Variants in HDAC9 observed in about 807,000 individuals in gnomAD.
HDAC9 encodes histone deacetylase 9.
In HDAC9, 41 loss-of-function variants were observed where a neutral mutation model predicts 139.4. The observed-to-expected ratio is 0.29, with a 90% CI of 0.23 to 0.38. The LOEUF (loss-of-function observed/expected upper bound fraction) is 0.38, where lower values mean the gene tolerates loss of function less well. Ranked by LOEUF, HDAC9 falls within the 10% of genes least tolerant of loss-of-function variation. The pLI, the probability that HDAC9 is intolerant of heterozygous loss-of-function variation, is 1.00. For missense variants in HDAC9, 1,147 were observed against 1,297.0 expected (o/e 0.88, Z 1.78); for synonymous variants, 517 against 476.2 (o/e 1.09, Z -1.12).
chr7:18,463,741 C>G (rs889922686), intron 1 of HDAC9, among the ~76,000 whole-genome samples: 6 of 151,838 alleles, frequency 4.0e-5, no homozygotes, highest in African/African-American at 1.4e-4. Flanking sequence ...AGTTTTTCCT[C>G]TCAGCATATT....
At chr7:18,697,208 T>G (rs1389268333) in intron 12 of HDAC9, among the ~76,000 whole-genome samples, 4 of 152,222 alleles carry the variant, frequency 2.6e-5, no homozygotes, top group African/African-American at 7.2e-5. Flanking sequence ...TAGGATCACA[T>G]CCTGGCAGAT....
chr7:18,222,548 A>G (rs1270191215), intron 2 of HDAC9, among the ~76,000 whole-genome samples: 1 of 152,160 alleles, frequency 6.6e-6, no homozygotes, highest in Admixed American at 6.5e-5. Context: ...ACTGGACAGT[A>G]TACATTAAAA....
At chr7:18,919,712 A>C (rs574425657) in intron 22 of HDAC9, among the ~76,000 whole-genome samples, 1 of 152,166 alleles carries the variant, frequency 6.6e-6, no homozygotes, top group Non-Finnish European at 1.5e-5. Context: ...TAGACCTGGA[A>C]TAACAATGTA....
intron 14 of HDAC9, among the ~76,000 whole-genome samples, chr7:18,759,713 G>A (rs1789208242): frequency 6.6e-6 from 1 of 152,176 alleles, no homozygotes; most frequent in Non-Finnish European, 1.5e-5. Context: ...GGAAACCGCT[G>A]TTCTTATGAC....
chr7:18,934,733 G>A (rs1180746433), intron 22 of HDAC9, among the ~76,000 whole-genome samples: 1 of 152,146 alleles, frequency 6.6e-6, no homozygotes, highest in Non-Finnish European at 1.5e-5. Context: ...GTTTCTGAGG[G>A]TGGGGCTTGG....
chr7:18,648,893 G>A (rs1381791724), intron 11 of HDAC9, among the ~76,000 whole-genome samples: 1 of 152,172 alleles, frequency 6.6e-6, no homozygotes, highest in East Asian at 1.9e-4. Flanking sequence ...TAGCAAAATT[G>A]AGATGATACA....
chr7:18,780,929 G>C (rs531037881), intron 16 of HDAC9, among the ~76,000 whole-genome samples: 35 of 152,008 alleles, frequency 2.3e-4, no homozygotes, highest in Admixed American at 3.9e-4. Context: ...AGCTAGGGCT[G>C]TCATAACACA....
intron 12 of HDAC9, among the ~76,000 whole-genome samples, chr7:18,707,443 C>T (rs750533853): frequency 1.3e-5 from 2 of 152,108 alleles, no homozygotes; most frequent in Non-Finnish European, 2.9e-5. Flanking sequence ...AAATTGAAAA[C>T]AGTCCAACAG....
chr7:18,674,218 T>C (rs1260568396), intron 12 of HDAC9, among the ~76,000 whole-genome samples: 1 of 152,080 alleles, frequency 6.6e-6, no homozygotes, highest in Non-Finnish European at 1.5e-5. Flanking sequence ...AACAAATCCA[T>C]GGTGCTCTCA....
chr7:18,335,283 T>C (rs1468788385), intron 1 of HDAC9, among the ~76,000 whole-genome samples: 1 of 151,484 alleles, frequency 6.6e-6, no homozygotes, highest in East Asian at 1.9e-4. Flanking sequence ...ATTAAAACAA[T>C]TTAGCAATAG....
chr7:18,978,165 T>A (rs1320045647), intron 25 of HDAC9, among the ~76,000 whole-genome samples: 2 of 152,130 alleles, frequency 1.3e-5, no homozygotes, highest in Non-Finnish European at 2.9e-5. Context: ...GAGAGCTAAA[T>A]GGATGGAAAA....
chr7:18,137,556 A>T (rs1239131409), intron 1 of HDAC9, among the ~76,000 whole-genome samples: 2 of 151,696 alleles, frequency 1.3e-5, no homozygotes, highest in Non-Finnish European at 2.9e-5. Context: ...GCATCTATTG[A>T]GATAATCATG....
chr7:18,795,711 G>A (rs1022400516), intron 17 of HDAC9, among the ~76,000 whole-genome samples: 2 of 152,132 alleles, frequency 1.3e-5, no homozygotes, highest in Non-Finnish European at 2.9e-5. Flanking sequence ...GATGCCATGG[G>A]GGAAAAGTAG....
chr7:18,566,933 C>T (rs891399696), intron 2 of HDAC9, among the ~76,000 whole-genome samples: 11 of 152,134 alleles, frequency 7.2e-5, no homozygotes, highest in Admixed American at 6.5e-5. Context: ...AAGGATGTAC[C>T]ATACCGTATG....
chr7:18,521,401 T>C (rs2128215742), intron 2 of HDAC9, among the ~76,000 whole-genome samples: 1 of 152,314 alleles, frequency 6.6e-6, no homozygotes, highest in Non-Finnish European at 1.5e-5. Context: ...CCAAGGGAGA[T>C]ATCTCACTTA....
intron 12 of HDAC9, among the ~76,000 whole-genome samples, chr7:18,669,794 A>G (rs907771174): frequency 6.6e-6 from 1 of 151,864 alleles, no homozygotes; most frequent in African/African-American, 2.4e-5. Context: ...ATTAGAAAAA[A>G]TAGTTATTGC....
chr7:18,644,651 C>G lies in HDAC9; in HGVS notation c.913-20C>G. On this transcript the variant is annotated intron_variant, in intron 8 of 25. Coordinates refer to ENST00000686413, the MANE Select transcript of HDAC9 (RefSeq NM_178425.4). ...TTTGTGATACTGTGGTATTTTGAGA[C>G]TCTCCTCTTTTTTTAACAGCAAATG... The G allele has an allele frequency of 6.3e-7, 1 of 1,595,932 alleles. No homozygotes were observed. Among genetic ancestry groups the G allele is most frequent in the South Asian group, 1.1e-5 (1 of 87,988 alleles).
At chr7:18,680,909 G>A (rs1303681894) in intron 12 of HDAC9, among the ~76,000 whole-genome samples, 1 of 151,904 alleles carries the variant, frequency 6.6e-6, no homozygotes, top group Non-Finnish European at 1.5e-5. Flanking sequence ...TTACCATTTG[G>A]CTTTGATTTT....
chr7:18,989,806 A>G (rs1357185169), intron 25 of HDAC9, among the ~76,000 whole-genome samples: 48 of 117,696 alleles, frequency 4.1e-4, no homozygotes, highest in African/African-American at 1.4e-3. Flanking sequence ...CATTGATTTC[A>G]TCTTCCATTG....
Sources: gnomAD v4.1 joint callset for allele counts (sites outside exome capture counted in the v4.1 genomes callset) on GRCh38, gnomAD v4.1.1 for gene constraint, MANE v1.5 for transcripts, NCBI Gene and HGNC (gene_info 2026-07-23, HGNC 2026-07-21) for gene names.